HIBCH: variants seen among roughly 807,000 people sequenced by gnomAD.
The protein encoded by HIBCH is 3-hydroxyisobutyryl-CoA hydrolase, mitochondrial.
A neutral mutation model predicts 58.2 loss-of-function variants in HIBCH; 50 were observed. The ratio of observed to expected loss-of-function variants is 0.86; its 90% confidence interval spans 0.68 to 1.09. The LOEUF (loss-of-function observed/expected upper bound fraction) is 1.09. Ranked by LOEUF, HIBCH falls within the 50% of genes least tolerant of loss-of-function variation. HIBCH has a pLI of 0.00. For missense variants in HIBCH, 450 were observed against 449.7 expected, an observed-to-expected ratio of 1.00 and a Z score of -0.01; for synonymous variants, 151 against 146.9, an observed-to-expected ratio of 1.03 and a Z score of -0.20.
intron 6 of HIBCH, among the ~76,000 whole-genome samples, chr2:190,274,476 C>A (rs1257328614): frequency 6.6e-6 from 1 of 152,152 alleles, no homozygotes; most frequent in Non-Finnish European, 1.5e-5. Flanking sequence ...TATTTTTATT[C>A]CATTCCAATT....
At chr2:190,196,423 ATTC>A (rs1396987368) in intron 1 of HIBCH, among the ~76,000 whole-genome samples, 3 of 151,130 alleles carry the variant, frequency 2.0e-5, no homozygotes, top group Non-Finnish European at 2.9e-5. Context: ...TTTCTCTGAG[ATTC>A]TTTTTTTGTT....
intron 1 of HIBCH, among the ~76,000 whole-genome samples, chr2:190,198,687 T>C (rs1353284243): frequency 1.3e-5 from 2 of 148,484 alleles, no homozygotes; most frequent in Non-Finnish European, 3.0e-5. Context: ...TATGAATTTT[T>C]AGAGCTATGT....
At position 190,209,054 on chromosome 2, in the gene HIBCH, G is replaced by C; in HGVS notation, c.1012-141C>G. On this transcript the variant is annotated intron_variant, in intron 12 of 13. Coordinates refer to ENST00000359678, the MANE Select transcript of HIBCH (RefSeq NM_014362.4). This position sits in a 1 kb window ranked among gnomAD's most constrained non-coding sequence, Gnocchi z 5.6. ...GACATTCAGAGACTGAACCACCTCT[G>C]ATAGCCCACTCTCTGATCACCACCT... 1 of 727,402 alleles carries C rather than the reference G, an allele frequency of 1.4e-6. No individual in the cohort carries two copies. Among genetic ancestry groups the C allele is most frequent in the East Asian group, 2.7e-5 (1 of 37,116 alleles). The allele number at this position is 727,402 out of a possible 1,614,324, so 45.1% of individuals were successfully genotyped here.
intron 11 of HIBCH, among the ~76,000 whole-genome samples, chr2:190,233,810 C>T (rs1432199739): frequency 6.6e-6 from 1 of 152,108 alleles, no homozygotes; most frequent in Non-Finnish European, 1.5e-5. Context: ...CAAATTAAAA[C>T]CGTAATGTCA....
chr2:190,289,970 C>T (rs147789245), intron 5 of HIBCH, among the ~76,000 whole-genome samples: 5 of 152,324 alleles, frequency 3.3e-5, no homozygotes, highest in African/African-American at 9.6e-5. Flanking sequence ...CTCCACCTCC[C>T]AGGTTCAAGC....
intron 7 of HIBCH, among the ~76,000 whole-genome samples, chr2:190,255,090 T>C (rs1406635778): frequency 6.6e-6 from 1 of 152,162 alleles, no homozygotes; most frequent in African/African-American, 2.4e-5. Context: ...TACAATCCAT[T>C]ATCCTCAAAG....
chr2:190,205,401 G>A (rs1173583614), intron 13 of HIBCH, among the ~76,000 whole-genome samples, 169 bp from the exon 14 acceptor site: 1 of 152,022 alleles, frequency 6.6e-6, no homozygotes, highest in Non-Finnish European at 1.5e-5. Flanking sequence ...AATCTCCAGG[G>A]ATGGACAGCA....
chr2:190,264,902 C>G (rs1214489402), intron 6 of HIBCH, among the ~76,000 whole-genome samples: 2 of 152,002 alleles, frequency 1.3e-5, no homozygotes, highest in African/African-American at 2.4e-5. Flanking sequence ...GTGGGCGGGT[C>G]ACCTGAGATC....
intron 11 of HIBCH, among the ~76,000 whole-genome samples, chr2:190,226,932 T>C (rs1158667273): frequency 6.6e-6 from 1 of 151,930 alleles, no homozygotes; most frequent in East Asian, 1.9e-4. Flanking sequence ...TAAAAGAGGA[T>C]ACAAACAAAT....
chr2:190,232,957 CA>C (rs540198563), intron 11 of HIBCH, among the ~76,000 whole-genome samples: 1 of 138,790 alleles, frequency 7.2e-6, no homozygotes. Context: ...GACTCTATCT[CA>C]AAAAAAATAA....
intron 1 of HIBCH, among the ~76,000 whole-genome samples, chr2:190,192,408 T>C (rs998044007): frequency 7.3e-5 from 11 of 151,664 alleles, no homozygotes; most frequent in African/African-American, 2.7e-4. Flanking sequence ...TTCTCAAAAT[T>C]GTTTTGGCCA....
chr2:190,309,839 T>A (rs1486876830), intron 2 of HIBCH, among the ~76,000 whole-genome samples: 1 of 152,156 alleles, frequency 6.6e-6, no homozygotes, highest in East Asian at 1.9e-4. Flanking sequence ...CTAGATTTTT[T>A]AATGCATTAT....
intron 12 of HIBCH, among the ~76,000 whole-genome samples, chr2:190,212,355 AAAT>A (rs1242986057): frequency 6.6e-6 from 1 of 152,208 alleles, no homozygotes; most frequent in Non-Finnish European, 1.5e-5. Context: ...ATATTAGTCT[AAAT>A]AATAAGATGC....
chr2:190,273,940 G>A (rs763262541), intron 6 of HIBCH, among the ~76,000 whole-genome samples: 1 of 152,010 alleles, frequency 6.6e-6, no homozygotes, highest in Non-Finnish European at 1.5e-5. Context: ...CTCCCAAGTA[G>A]CTGGGACTAC....
At chr2:190,264,262 C>CTTTCTTTCTTT (rs1315471116) in intron 6 of HIBCH, among the ~76,000 whole-genome samples, 8 of 151,022 alleles carry the variant, frequency 5.3e-5, no homozygotes. Context: ...GCCACACGGG[C>CTTTCTTTCTTT]TTTCTTTCTT....
In HIBCH at chr2:190,217,164, C is replaced by G. The variant is rs538103814; in HGVS notation, c.892-4089G>C. On this transcript the variant is annotated intron_variant, in intron 11 of 13. Transcript: ENST00000359678. The surrounding 1 kb of genome is among the most constrained non-coding windows in gnomAD (Gnocchi z 4.6). ...GGGAAGCCAGCTGGTCAGTCCCTTG[C>G]CTCCCCAAGTTCCTCCAGGGGTCAG... Among the ~76,000 whole-genome samples the G allele has an allele frequency of 1.5e-3, 230 of 152,306 alleles. 1 individual carries two copies. The highest frequency in any genetic ancestry group is 5.4e-3 in the African/African-American group (225 of 41,572).
At chr2:190,241,980 T>C (rs1483195782) in intron 11 of HIBCH, among the ~76,000 whole-genome samples, 1 of 152,160 alleles carries the variant, frequency 6.6e-6, no homozygotes, top group Non-Finnish European at 1.5e-5. Context: ...CGCGGCGTTC[T>C]CTGTATTTCC....
rs939052442 is a variant in HIBCH, at chr2:190,279,370, C to G, written c.438+8216G>C. On this transcript the variant is annotated intron_variant, in intron 6 of 13. Transcript: ENST00000359678. The surrounding 1 kb of genome is among the most constrained non-coding windows in gnomAD (Gnocchi z 4.2). ...CCTGACCTCCCAAACTCATATCCTT[C>G]TCACATACAAATACATTCACTCCAG... Among the ~76,000 whole-genome samples the G allele has an allele frequency of 2.0e-5, 3 of 152,206 alleles. No homozygotes were observed. Among genetic ancestry groups the G allele is most frequent in the African/African-American group, 7.2e-5 (3 of 41,444 alleles).
At chr2:190,192,268 T>G (rs970964052) in intron 1 of HIBCH, among the ~76,000 whole-genome samples, 6 of 152,146 alleles carry the variant, frequency 3.9e-5, no homozygotes, top group African/African-American at 1.4e-4. Context: ...CATATTTTTA[T>G]GGGTGTATCT....
Sources: gnomAD v4.1 joint callset for allele counts (sites outside exome capture counted in the v4.1 genomes callset) on GRCh38, gnomAD v4.1.1 for gene constraint, Gnocchi (gnomAD v3.1) non-coding constraint, MANE v1.5 for transcripts, NCBI Gene and HGNC (gene_info 2026-07-23, HGNC 2026-07-21) for gene names.